NR1H4: variants seen among roughly 807,000 people sequenced by gnomAD.
NR1H4 encodes bile acid receptor.
In NR1H4, 23 loss-of-function variants were observed where a neutral mutation model predicts 58.5. The ratio of observed to expected loss-of-function variants is 0.39; its 90% CI spans 0.28 to 0.56. The LOEUF is 0.56. Among genes scored for constraint, NR1H4 ranks in the 20% least tolerant of loss-of-function variants. The pLI is 0.58. For missense variants in NR1H4, 487 were observed against 576.9 expected (o/e 0.84, Z 1.60); for synonymous variants, 214 against 198.0 (o/e 1.08, Z -0.68).
chr12:100,483,171 C>G (rs1411930514), intron 1 of NR1H4, among the ~76,000 whole-genome samples: 1 of 152,008 alleles, frequency 6.6e-6, no homozygotes, highest in Non-Finnish European at 1.5e-5. Context: ...GGTGATCCAC[C>G]CACCTCAGCC....
rs945811750 is a variant in NR1H4, at chr12:100,474,053, A to C, written c.-196A>C. 6 of 152,170 alleles carry C rather than the reference A, an allele frequency of 3.9e-5. No homozygotes were observed. Among genetic ancestry groups the C allele is most frequent in the African/African-American group, 1.4e-4 (6 of 41,434 alleles). The allele number at this position is 152,170 out of a possible 1,614,324, so 9.4% of individuals were successfully genotyped here. A position where few individuals can be genotyped will look rare whatever the true frequency, so the allele number is the denominator to read the frequency against. ...TGAAAGTCCATCTCTGACCCAAAACAATCCAAGTAAGTACCTAATTCCTTT... is the reference window on the plus strand; with the variant it reads ...TGAAAGTCCATCTCTGACCCAAAACCATCCAAGTAAGTACCTAATTCCTTT... On this transcript the variant is annotated 5_prime_UTR_variant, in exon 1 of 11. Transcript: ENST00000392986.
Position 100,532,522 on chromosome 12 carries a change from G to A in NR1H4, c.510G>A (p.Val170=). Residue 170 remains valine (V), a synonymous_variant, in exon 5 of 11, where the codon GTG becomes GTA. Coordinates refer to ENST00000392986, the MANE Select transcript of NR1H4 (RefSeq NM_001206979.2). Reference sequence around the variant, plus strand: ...AGTGTAAAAACGGGGGCAACTGTGTGATGGATATGTACATGCGAAGAAAGT... The same window carrying A: ...AGTGTAAAAACGGGGGCAACTGTGTAATGGATATGTACATGCGAAGAAAGT... ...VYKCKNGGNC[V]MDMYMRRKCQ... is the part of the protein sequence containing the mutation. The A allele has an allele frequency of 6.2e-7, 1 of 1,614,108 alleles. No individual in the cohort carries two copies. Among genetic ancestry groups the A allele is most frequent in the East Asian group, 2.2e-5 (1 of 44,876 alleles).
chr12:100,505,116 A>G (rs1040098711), intron 3 of NR1H4, among the ~76,000 whole-genome samples: 7 of 152,118 alleles, frequency 4.6e-5, no homozygotes, highest in African/African-American at 1.7e-4. Context: ...AAAAAAAGTG[A>G]CTTTTCTAGG....
At chr12:100,534,823 G>A in intron 5 of NR1H4, 67 bp from the exon 6 acceptor site, 2 of 1,591,732 alleles carry the variant, frequency 1.3e-6, no homozygotes, top group African/African-American at 1.3e-5. Context: ...CATATCAGTG[G>A]TTTTATGACC....
intron 4 of NR1H4, among the ~76,000 whole-genome samples, chr12:100,517,017 A>G (rs976252995): frequency 5.9e-5 from 9 of 152,188 alleles, no homozygotes; most frequent in African/African-American, 2.2e-4. Flanking sequence ...AGCTTAATTT[A>G]TCATTTCTTC....
chr12:100,538,717 G>C (rs1035285873), intron 8 of NR1H4, among the ~76,000 whole-genome samples: 3 of 152,130 alleles, frequency 2.0e-5, no homozygotes, highest in African/African-American at 7.2e-5. Context: ...TAGGATTTTA[G>C]TTAAACATGT....
chr12:100,541,828 C>T (rs1954943182), intron 9 of NR1H4, among the ~76,000 whole-genome samples: 1 of 151,672 alleles, frequency 6.6e-6, no homozygotes, highest in Non-Finnish European at 1.5e-5. Context: ...GACTCCTGGC[C>T]TCGAGTGATC....
intron 4 of NR1H4, among the ~76,000 whole-genome samples, chr12:100,526,804 A>AAT (rs1954567866): frequency 6.6e-6 from 1 of 152,180 alleles, no homozygotes. Flanking sequence ...GACTCATCCC[A>AAT]TTCCCAATTC....
chr12:100,512,632 C>A (rs1235465348), intron 4 of NR1H4, among the ~76,000 whole-genome samples: 3 of 148,088 alleles, frequency 2.0e-5, no homozygotes, highest in African/African-American at 7.9e-5. Context: ...CTGAGCGAGA[C>A]TCCGTCTCCA....
chr12:100,478,121 G>C (rs945230479), intron 1 of NR1H4, among the ~76,000 whole-genome samples: 4 of 152,002 alleles, frequency 2.6e-5, no homozygotes, highest in Admixed American at 2.6e-4. Flanking sequence ...TAGGTTCATC[G>C]ATTGTAAAAA....
intron 3 of NR1H4, among the ~76,000 whole-genome samples, chr12:100,495,140 T>G (rs1264565490): frequency 6.6e-6 from 1 of 152,244 alleles, no homozygotes; most frequent in Non-Finnish European, 1.5e-5. Flanking sequence ...TCTGCTTTTA[T>G]GGTGTGGTTC....
At chr12:100,534,007 C>T (rs917470332) in intron 5 of NR1H4, among the ~76,000 whole-genome samples, 1 of 151,898 alleles carries the variant, frequency 6.6e-6, no homozygotes, top group Non-Finnish European at 1.5e-5. Context: ...CGCCATTCTC[C>T]TGCCTCAGCC....
chr12:100,535,707 T>C (rs766777277), intron 6 of NR1H4, among the ~76,000 whole-genome samples: 1 of 152,228 alleles, frequency 6.6e-6, no homozygotes, highest in Non-Finnish European at 1.5e-5. Context: ...TATTTTTGTA[T>C]TTATTTAAGA....
Position 100,563,355 on chromosome 12 carries a change from C to A in NR1H4, c.1297C>A (p.His433Asn). ...CKIHQPENPQ[H>N]FACLLGRLTE... ...GATTCACCAGCCTGAAAATCCTCAA[C>A]ACTTTGCCTGTCTCCTGGGTCGCCT... The change falls in exon 11 of 11, where the codon CAC (histidine) becomes AAC (asparagine). Residue 433 changes from histidine (H) to asparagine (N), a missense_variant. Physicochemically the swap from His to Asn is moderately conservative, Grantham distance 68 (BLOSUM62 1). Coordinates refer to ENST00000392986, the MANE Select transcript of NR1H4 (RefSeq NM_001206979.2). 1 of 1,614,124 alleles carries A rather than the reference C, an allele frequency of 6.2e-7. No homozygotes were observed. Among genetic ancestry groups the A allele is most frequent in the Non-Finnish European group, 8.5e-7 (1 of 1,180,028 alleles).
Position 100,563,687 on chromosome 12 carries a change from G to T in NR1H4, c.*198G>T. On this transcript the variant is annotated 3_prime_UTR_variant, in exon 11 of 11. Transcript: ENST00000392986. ...CTTTCTCTACATTGTGTTTTAAAAG[G>T]CTCCAGGGAATCCTGCATTCTAATT... 3.5e-6 allele frequency: 2 copies of T among 577,898 alleles called. No homozygotes were observed. Among genetic ancestry groups the T allele is most frequent in the Admixed American group, 3.2e-5 (1 of 31,704 alleles). The allele number at this position is 577,898 out of a possible 1,614,324, so 35.8% of individuals were successfully genotyped here.
At chr12:100,530,338 C>G (rs1954661493) in intron 4 of NR1H4, among the ~76,000 whole-genome samples, 1 of 152,054 alleles carries the variant, frequency 6.6e-6, no homozygotes, top group Non-Finnish European at 1.5e-5. Context: ...AATATGGGGA[C>G]AAATAATACT....
chr12:100,512,964 C>T (rs1210669234), intron 4 of NR1H4, among the ~76,000 whole-genome samples: 1 of 152,168 alleles, frequency 6.6e-6, no homozygotes, highest in Non-Finnish European at 1.5e-5. Flanking sequence ...ACATTAGTCA[C>T]TTCTTAAAAA....
At chr12:100,495,142 G>A (rs1002567704) in intron 3 of NR1H4, among the ~76,000 whole-genome samples, 1 of 152,176 alleles carries the variant, frequency 6.6e-6, no homozygotes. Flanking sequence ...TGCTTTTATG[G>A]TGTGGTTCTC....
intron 10 of NR1H4, among the ~76,000 whole-genome samples, chr12:100,562,495 A>T (rs1298562779): frequency 6.6e-6 from 1 of 152,160 alleles, no homozygotes; most frequent in Admixed American, 6.5e-5. Flanking sequence ...ATAATAAGGA[A>T]CTTTTTTCTG....
Sources: allele counts gnomAD v4.1 joint callset (sites outside exome capture counted in the v4.1 genomes callset), GRCh38; gene constraint gnomAD v4.1.1; transcripts MANE v1.5; gene names NCBI Gene and HGNC (gene_info 2026-07-23, HGNC 2026-07-21).